Variants in RYR2 observed in about 807,000 individuals in gnomAD.
RYR2 encodes the protein cardiac muscle ryanodine receptor-calcium release channel.
RYR2 carries 227 observed loss-of-function variants against 601.1 expected under a neutral mutation model. That is an observed-to-expected ratio of 0.38 (90% CI 0.34 to 0.42). The LOEUF (loss-of-function observed/expected upper bound fraction) is 0.42, where lower values mean the gene tolerates loss of function less well. Ranked by LOEUF, RYR2 falls within the 10% of genes least tolerant of loss-of-function variation. The pLI is 1.00. For synonymous variants in RYR2, 2,223 were observed against 2,175.1 expected (o/e 1.02, Z -0.61); for missense variants, 4,646 against 6,156.5 (o/e 0.75, Z 8.21).
At chr1:237,706,923 A>G (rs746286121) in intron 67 of RYR2, 26 bp from the exon 68 acceptor site, 1 of 1,566,912 alleles carries the variant, frequency 6.4e-7, no homozygotes, top group East Asian at 2.3e-5. Context: ...TTTGAATATC[A>G]TCCATTTTTA....
chr1:237,636,967 A>G (rs1170138588), intron 44 of RYR2, among the ~76,000 whole-genome samples: 1 of 152,222 alleles, frequency 6.6e-6, no homozygotes, highest in African/African-American at 2.4e-5. Flanking sequence ...TATGTGTACA[A>G]GTGTCCTAGA....
intron 1 of RYR2, among the ~76,000 whole-genome samples, chr1:237,058,627 T>C (rs1205788577): frequency 6.6e-6 from 1 of 152,190 alleles, no homozygotes; most frequent in Non-Finnish European, 1.5e-5. Context: ...AAAGGAATCT[T>C]CCTTGGAGGC....
intron 79 of RYR2, among the ~76,000 whole-genome samples, chr1:237,740,259 T>G (rs1691494903): frequency 1.3e-5 from 2 of 152,246 alleles, no homozygotes; most frequent in African/African-American, 4.8e-5. Context: ...TTGTGTGATC[T>G]TAGCATATTC....
chr1:237,652,437 T>C (rs1048925171), intron 51 of RYR2, among the ~76,000 whole-genome samples: 5 of 152,296 alleles, frequency 3.3e-5, no homozygotes, highest in African/African-American at 1.2e-4. Context: ...TTTTTATAGA[T>C]GACCACTCTG....
intron 1 of RYR2, among the ~76,000 whole-genome samples, chr1:237,101,328 C>T (rs1248989926): frequency 2.1e-5 from 3 of 144,748 alleles, no homozygotes; most frequent in Non-Finnish European, 4.5e-5. Context: ...AAAAAAACCT[C>T]ACAAACAAGA....
intron 13 of RYR2, among the ~76,000 whole-genome samples, chr1:237,445,069 T>A (rs774221739): frequency 1.3e-5 from 2 of 152,094 alleles, no homozygotes; most frequent in Admixed American, 6.6e-5. Context: ...ATAACTGAGA[T>A]GGGCAAGGTG....
chr1:237,691,433 G>A (rs748510378), intron 63 of RYR2, among the ~76,000 whole-genome samples: 2 of 152,052 alleles, frequency 1.3e-5, no homozygotes, highest in African/African-American at 2.4e-5. Flanking sequence ...TTCTAGGTTG[G>A]CTGCCACATT....
Position 237,456,715 on chromosome 1 carries a change from A to T in RYR2, c.1592A>T (p.Asn531Ile). 1 of 1,613,598 alleles carries T rather than the reference A, an allele frequency of 6.2e-7. No individual in the cohort carries two copies. Among genetic ancestry groups the T allele is most frequent in the Non-Finnish European group, 8.5e-7 (1 of 1,179,632 alleles). ...EAGESWKSIL[N>I]SLYELLAALI... ...GGAGAGTCTTGGAAATCCATTCTGA[A>T]TTCTCTGTATGAGTTGCTGGGTAAG... is the stretch of plus-strand genomic sequence containing the variant. Residue 531 changes from asparagine to isoleucine, a missense_variant, in exon 16 of 105, where the codon AAT becomes ATT. By Grantham distance (149) the Asn-to-Ile change is moderately radical. This residue lies in a region of RYR2 where 1,807 missense variants were observed against 2,088.1 expected (regional missense o/e 0.87). Coordinates refer to ENST00000366574, the MANE Select transcript of RYR2 (RefSeq NM_001035.3).
intron 1 of RYR2, among the ~76,000 whole-genome samples, chr1:237,140,428 A>G (rs371588743): frequency 1.3e-5 from 2 of 152,200 alleles, no homozygotes; most frequent in Non-Finnish European, 1.5e-5. Context: ...TGACTAGTTC[A>G]CCGCTCTGTG....
rs545222495 is a variant in RYR2 at position 237,545,106 on chromosome 1, A to G, written c.2907-3325A>G. On this transcript the variant is annotated intron_variant, in intron 25 of 104. Coordinates refer to ENST00000366574, the MANE Select transcript of RYR2 (RefSeq NM_001035.3). Reference sequence around the variant, plus strand: ...AAAGTGTAGTTTACATCTGAAGATGAATGTGAACAAATTATTGGGCTACTT... The same window carrying G: ...AAAGTGTAGTTTACATCTGAAGATGGATGTGAACAAATTATTGGGCTACTT... Among the ~76,000 whole-genome samples the G allele has an allele frequency of 4.5e-4, 69 of 152,366 alleles. 1 individual carries two copies. Among genetic ancestry groups the G allele is most frequent in the African/African-American group, 1.7e-3 (69 of 41,592 alleles).
At chr1:237,213,102 T>C (rs1682770840) in intron 1 of RYR2, among the ~76,000 whole-genome samples, 1 of 151,772 alleles carries the variant, frequency 6.6e-6, no homozygotes, top group South Asian at 2.1e-4. Context: ...CATTTTTACT[T>C]GCCATTCCAG....
chr1:237,117,625 C>T (rs1013204793), intron 1 of RYR2, among the ~76,000 whole-genome samples: 2 of 150,622 alleles, frequency 1.3e-5, no homozygotes, highest in African/African-American at 2.5e-5. Context: ...CTTCTCTTTT[C>T]TCTCTTCTCT....
intron 19 of RYR2, 53 bp from the exon 20 acceptor site, chr1:237,496,458 C>T: frequency 1.3e-6 from 2 of 1,596,012 alleles, no homozygotes; most frequent in East Asian, 2.2e-5. Context: ...TAAATGAAAA[C>T]AATGAAAGGT....
At chr1:237,052,928 A>T (rs974521566) in intron 1 of RYR2, among the ~76,000 whole-genome samples, 2 of 152,112 alleles carry the variant, frequency 1.3e-5, no homozygotes, top group Non-Finnish European at 2.9e-5. Context: ...GGCTTACTGC[A>T]ACCTCTGCCT....
chr1:237,594,886 G>GTTTTTTTTGTTTTGTTTTTTTTTT (rs1675642723), intron 33 of RYR2, among the ~76,000 whole-genome samples: 1 of 60,402 alleles, frequency 1.7e-5, no homozygotes, highest in Non-Finnish European at 2.6e-5. Flanking sequence ...ATATCACTGG[G>GTTTTTTTTGTTTTGTTTTTTTTTT]TTTTTTTTTT....
chr1:237,142,552 C>A (rs1238076463), intron 1 of RYR2, among the ~76,000 whole-genome samples: 1 of 152,146 alleles, frequency 6.6e-6, no homozygotes. Context: ...AAAGGGGAAC[C>A]CTACAACCTG....
intron 2 of RYR2, among the ~76,000 whole-genome samples, chr1:237,295,216 C>T (rs1692635851): frequency 6.6e-6 from 1 of 151,726 alleles, no homozygotes; most frequent in African/African-American, 2.4e-5. Flanking sequence ...AGAGAAAGAC[C>T]CTGTCTCCAA....
At chr1:237,303,291 TC>T (rs1354378596) in intron 2 of RYR2, among the ~76,000 whole-genome samples, 2 of 141,302 alleles carry the variant, frequency 1.4e-5, no homozygotes, top group South Asian at 2.3e-4. Flanking sequence ...TCTGCGGTTA[TC>T]TTTTTTTTTT....
intron 1 of RYR2, among the ~76,000 whole-genome samples, chr1:237,149,835 A>G (rs1261923468): frequency 1.3e-5 from 2 of 151,658 alleles, no homozygotes; most frequent in Admixed American, 1.3e-4. Flanking sequence ...CCTTTCTGGG[A>G]ATTTTTAGGT....
Sources: allele counts gnomAD v4.1 joint callset (sites outside exome capture counted in the v4.1 genomes callset), GRCh38; gene constraint gnomAD v4.1.1; regional missense constraint gnomAD v4.1.1; transcripts MANE v1.5; gene names NCBI Gene and HGNC (gene_info 2026-07-23, HGNC 2026-07-21).